The following CREB5 variants were observed in gnomAD, a reference collection of about 807,000 sequenced individuals.
CREB5 encodes cAMP responsive element binding protein 5.
Under a neutral mutation model 57.1 loss-of-function variants are expected in CREB5, and 19 were observed. The observed-to-expected ratio is 0.33, with a 90% CI of 0.23 to 0.49. CREB5 has a LOEUF of 0.49. Ranked by LOEUF, CREB5 falls within the 20% of genes least tolerant of loss-of-function variation. The pLI, the probability that CREB5 is intolerant of heterozygous loss-of-function variation, is 0.99. For synonymous variants in CREB5, 238 were observed against 238.3 expected, an observed-to-expected ratio of 1.00 and a Z score of 0.01; for missense variants, 579 against 671.6, an observed-to-expected ratio of 0.86 and a Z score of 1.52.
intron 1 of CREB5, among the ~76,000 whole-genome samples, chr7:28,400,268 T>G (rs1421952535): frequency 6.6e-6 from 1 of 152,184 alleles, no homozygotes. Flanking sequence ...TTCAAATTAC[T>G]TAGCCTCACT....
intron 5 of CREB5, among the ~76,000 whole-genome samples, chr7:28,688,597 T>C (rs1172220717): frequency 1.3e-5 from 2 of 152,216 alleles, no homozygotes; most frequent in African/African-American, 2.4e-5. Flanking sequence ...CTCCTATTCT[T>C]CAGGCAAATT....
intron 7 of CREB5, among the ~76,000 whole-genome samples, chr7:28,735,388 G>T (rs1449770989): frequency 2.0e-5 from 3 of 152,122 alleles, no homozygotes; most frequent in Non-Finnish European, 1.5e-5. Context: ...AATGTTCTGA[G>T]GTAGGATTAC....
intron 5 of CREB5, among the ~76,000 whole-genome samples, chr7:28,678,389 AAAAAATAAAAAT>A (rs561812937): frequency 3.3e-5 from 5 of 152,224 alleles, no homozygotes; most frequent in African/African-American, 4.8e-5. Flanking sequence ...CTCTGCTCAA[AAAAAATAAAAAT>A]AAAAATAAAA....
intron 4 of CREB5, among the ~76,000 whole-genome samples, chr7:28,563,143 G>A (rs1378396798): frequency 2.0e-5 from 3 of 152,156 alleles, no homozygotes; most frequent in African/African-American, 7.2e-5. Flanking sequence ...CAGTAATGCT[G>A]TATCAGTGTT....
intron 5 of CREB5, among the ~76,000 whole-genome samples, chr7:28,664,123 C>T (rs1395846657): frequency 6.6e-6 from 1 of 152,200 alleles, no homozygotes; most frequent in Admixed American, 6.5e-5. Context: ...CCTGTACTTT[C>T]CTAGAAACCC....
chr7:28,745,823 GC>G (rs748177567), intron 7 of CREB5, among the ~76,000 whole-genome samples: 1 of 152,198 alleles, frequency 6.6e-6, no homozygotes. Flanking sequence ...GGTTAGTGAG[GC>G]AGTGAATGTT....
chr7:28,755,965 G>A (rs1052749899), intron 7 of CREB5, among the ~76,000 whole-genome samples: 9 of 152,092 alleles, frequency 5.9e-5, no homozygotes, highest in Non-Finnish European at 1.0e-4. Flanking sequence ...GTAGGGTGGG[G>A]CGGGCATAAA....
At chr7:28,409,815 G>T, upstream of CREB5, 1 of 449,818 alleles carries the variant, frequency 2.2e-6, no homozygotes, top group Non-Finnish European at 4.5e-6. This position sits in a 1 kb window ranked among gnomAD's most constrained non-coding sequence, Gnocchi z 4.4. Context: ...GAGTCCGCCC[G>T]GCGTGCGTGC....
intron 5 of CREB5, among the ~76,000 whole-genome samples, chr7:28,694,282 T>A (rs1801423259): frequency 6.6e-6 from 1 of 152,248 alleles, no homozygotes; most frequent in Non-Finnish European, 1.5e-5. Flanking sequence ...AGTTGTAAAT[T>A]GCTCTTGCGT....
intron 1 of CREB5, among the ~76,000 whole-genome samples, chr7:28,365,443 A>G (rs568658606): frequency 6.6e-6 from 1 of 152,112 alleles, no homozygotes; most frequent in African/African-American, 2.4e-5. Context: ...CCTTTCCTCA[A>G]TGCATTATCA....
chr7:28,526,730 G>C (rs1238212611), intron 4 of CREB5, among the ~76,000 whole-genome samples: 3 of 152,216 alleles, frequency 2.0e-5, no homozygotes, highest in Non-Finnish European at 4.4e-5. Flanking sequence ...AAGCCGAAAG[G>C]CCGACTGTGC....
At chr7:28,311,499 C>G (rs1012919112) in intron 1 of CREB5, among the ~76,000 whole-genome samples, 2 of 152,242 alleles carry the variant, frequency 1.3e-5, no homozygotes, top group Non-Finnish European at 2.9e-5. Context: ...ACCTTTGGAG[C>G]TGTCCTCCTT....
At chr7:28,615,530 C>CCCATGCA (rs1797564372) in intron 5 of CREB5, 1 of 152,398 alleles carries the variant, frequency 6.6e-6, no homozygotes, top group African/African-American at 2.4e-5. Flanking sequence ...ATGACAGCAG[C>CCCATGCA]TACTCAGGCT....
chr7:28,508,545 A>G (rs1003301671), intron 4 of CREB5, among the ~76,000 whole-genome samples: 1 of 152,242 alleles, frequency 6.6e-6, no homozygotes, highest in African/African-American at 2.4e-5. Flanking sequence ...CAGCTGTTCC[A>G]TCCGGAAAAG....
chr7:28,481,485 C>T (rs1291112407), intron 1 of CREB5, among the ~76,000 whole-genome samples: 2 of 152,162 alleles, frequency 1.3e-5, no homozygotes, highest in Non-Finnish European at 2.9e-5. Context: ...GAAATGTTCA[C>T]TTATAAGGTA....
intron 1 of CREB5, among the ~76,000 whole-genome samples, chr7:28,357,503 A>G (rs1786370182): frequency 6.6e-6 from 1 of 152,170 alleles, no homozygotes; most frequent in South Asian, 2.1e-4. Flanking sequence ...TAAGAATTCT[A>G]TTAATCTGGA....
chr7:28,775,431 A>G (rs189216831), intron 7 of CREB5, among the ~76,000 whole-genome samples: 97 of 151,858 alleles, frequency 6.4e-4, no homozygotes, highest in African/African-American at 2.2e-3. Flanking sequence ...CCATCTATCC[A>G]CTACCTATCA....
At chr7:28,757,469 G>A (rs558644650) in intron 7 of CREB5, among the ~76,000 whole-genome samples, 14 of 152,170 alleles carry the variant, frequency 9.2e-5, no homozygotes, top group Middle Eastern at 3.4e-3. Context: ...TCAGGAGATC[G>A]AGACCATCCT....
chr7:28,672,818 C>T (rs1228271028), intron 5 of CREB5, among the ~76,000 whole-genome samples: 1 of 152,228 alleles, frequency 6.6e-6, no homozygotes, highest in South Asian at 2.1e-4. Context: ...TTTTCACCTG[C>T]AGAATGAGGA....
Sources: gnomAD v4.1 joint callset for allele counts (sites outside exome capture counted in the v4.1 genomes callset) on GRCh38, gnomAD v4.1.1 for gene constraint, Gnocchi (gnomAD v3.1) non-coding constraint, MANE v1.5 for transcripts, NCBI Gene and HGNC (gene_info 2026-07-23, HGNC 2026-07-21) for gene names.